Variants in FRMD4A observed in about 807,000 individuals in gnomAD.
FRMD4A encodes the protein FERM domain-containing protein 4A.
In FRMD4A, 29 loss-of-function variants were observed where a neutral mutation model predicts 129.1. The ratio of observed to expected loss-of-function variants is 0.22; its 90% CI spans 0.17 to 0.31. The LOEUF is 0.31. FRMD4A is among the 10% of genes least tolerant of loss of function. The probability of loss-of-function intolerance (pLI) is 1.00; values close to 1 mark genes in which losing one functional copy is unlikely to be tolerated. For missense variants in FRMD4A, 1,272 were observed against 1,375.8 expected, an observed-to-expected ratio of 0.92 and a Z score of 1.19; for synonymous variants, 634 against 571.6, an observed-to-expected ratio of 1.11 and a Z score of -1.56.
rs369846640 is a variant in FRMD4A at position 13,800,062 on chromosome 10, A to G, written c.207-3474T>C. Among the ~76,000 whole-genome samples, 21 of 152,202 alleles carry G rather than the reference A, an allele frequency of 1.4e-4. No homozygotes were observed. In the South Asian group the frequency reaches 1.5e-3, roughly 11 times the overall value. On this transcript the variant is annotated intron_variant, in intron 4 of 24. Transcript: ENST00000357447. ...CCAGGCGTGGTGGCACATGCCTGTA[A>G]TCCCAGCTACTCAGGAGGCTGAGGC... is the stretch of plus-strand genomic sequence containing the variant.
At chr10:13,742,835 C>A (rs1007280167) in intron 9 of FRMD4A, among the ~76,000 whole-genome samples, 5 of 151,918 alleles carry the variant, frequency 3.3e-5, no homozygotes, top group Non-Finnish European at 5.9e-5. Context: ...TATTATCCAT[C>A]AGCCCAGGAT....
chr10:13,694,851 AAAAAG>A (rs1347508431), intron 14 of FRMD4A, among the ~76,000 whole-genome samples: 6 of 152,106 alleles, frequency 3.9e-5, no homozygotes, highest in South Asian at 2.1e-4. Flanking sequence ...CTTAAAAAAA[AAAAAG>A]AGAGAAATGA....
In FRMD4A at chr10:13,675,006, CCTT is replaced by C; in HGVS notation, c.1153_1155del (p.Lys385del). ...CTGGACTTCAAGGCAGCCAGCATGT[CCTT>C]CTTGGCCGACTGCGAGCTATCTGAT... On this transcript the variant is annotated inframe_deletion, in exon 16 of 25. Coordinates refer to ENST00000357447, the MANE Select transcript of FRMD4A (RefSeq NM_018027.5). 6 of 1,613,898 alleles carry C rather than the reference CCTT, an allele frequency of 3.7e-6. No individual in the cohort carries two copies. The highest frequency in any genetic ancestry group is 5.1e-6 in the Non-Finnish European group (6 of 1,179,974).
intron 12 of FRMD4A, among the ~76,000 whole-genome samples, chr10:13,729,132 C>CGCCCAAGGCAAGGGTCTGTCACCCACAG (rs141124690): frequency 6.6e-6 from 1 of 151,666 alleles, no homozygotes; most frequent in Admixed American, 6.6e-5. Context: ...GGTCTCTAGA[C>CGCCCAAGGCAAGGGTCTGTCACCCACAG]GCATGGAAAG....
At chr10:13,667,632 G>GC (rs1564561647) in intron 17 of FRMD4A, 2 of 152,390 alleles carry the variant, frequency 1.3e-5, no homozygotes, top group African/African-American at 4.8e-5. Context: ...ATGTGTGCGT[G>GC]AGGATTTGGG....
intron 2 of FRMD4A, among the ~76,000 whole-genome samples, chr10:14,056,004 G>A (rs1280030958): frequency 1.3e-5 from 2 of 151,922 alleles, no homozygotes; most frequent in Non-Finnish European, 1.5e-5. Flanking sequence ...GCGCGATCTC[G>A]GCTCACTGCA....
At chr10:14,154,416 A>C (rs1840497824) in intron 2 of FRMD4A, among the ~76,000 whole-genome samples, 1 of 152,160 alleles carries the variant, frequency 6.6e-6, no homozygotes, top group African/African-American at 2.4e-5. Context: ...ATTTCACTTT[A>C]AATGTATGAT....
At chr10:14,079,154 A>C (rs1463374354) in intron 2 of FRMD4A, among the ~76,000 whole-genome samples, 2 of 152,156 alleles carry the variant, frequency 1.3e-5, no homozygotes, top group Non-Finnish European at 2.9e-5. Context: ...CATCAACCTC[A>C]TGAGGTGCTG....
At chr10:13,844,974 G>A (rs2094022115) in intron 3 of FRMD4A, among the ~76,000 whole-genome samples, 1 of 152,156 alleles carries the variant, frequency 6.6e-6, no homozygotes, top group Non-Finnish European at 1.5e-5. Flanking sequence ...GGTTGATAAG[G>A]GATACAGTGT....
At chr10:13,691,801 G>A (rs2085721042) in intron 15 of FRMD4A, among the ~76,000 whole-genome samples, 1 of 152,090 alleles carries the variant, frequency 6.6e-6, no homozygotes, top group Admixed American at 6.6e-5. Context: ...GTTTTCACAG[G>A]GTTAGGAAAA....
chr10:14,277,376 G>A (rs1180406638), intron 2 of FRMD4A, among the ~76,000 whole-genome samples: 1 of 152,204 alleles, frequency 6.6e-6, no homozygotes, highest in Non-Finnish European at 1.5e-5. Context: ...TAGGTTATGA[G>A]GGTAGAACTA....
rs1247428701 is a variant in FRMD4A at position 13,865,181 on chromosome 10, G to C, written c.46-6269C>G. Reference sequence around the variant, plus strand: ...TAAGCCTTGTTCCTTGTCTGTACAAGAGGGATAAAATAGCGTCTACCTCTT... The same window carrying C: ...TAAGCCTTGTTCCTTGTCTGTACAACAGGGATAAAATAGCGTCTACCTCTT... On this transcript the variant is annotated intron_variant, in intron 2 of 24. Coordinates refer to ENST00000357447, the MANE Select transcript of FRMD4A (RefSeq NM_018027.5). Among the ~76,000 whole-genome samples the C allele has an allele frequency of 2.6e-5, 4 of 152,096 alleles. No homozygotes were observed. The South Asian group carries it at 8.3e-4, about 32-fold the overall frequency.
intron 2 of FRMD4A, among the ~76,000 whole-genome samples, chr10:14,102,065 T>C (rs1837334418): frequency 6.6e-6 from 1 of 152,190 alleles, no homozygotes; most frequent in Non-Finnish European, 1.5e-5. Flanking sequence ...AAGTACCTTT[T>C]GGGAAAACGC....
chr10:14,085,486 G>A (rs1022855838), intron 2 of FRMD4A, among the ~76,000 whole-genome samples: 2 of 152,222 alleles, frequency 1.3e-5, no homozygotes, highest in Non-Finnish European at 1.5e-5. Context: ...GCCCCTGGAT[G>A]AGGCTCTGAC....
intron 5 of FRMD4A, among the ~76,000 whole-genome samples, chr10:13,788,424 C>A (rs1044850376): frequency 6.6e-6 from 1 of 152,226 alleles, no homozygotes; most frequent in Non-Finnish European, 1.5e-5. Flanking sequence ...CCAATTGTTT[C>A]CCGGCTCCCC....
chr10:14,094,879 G>A (rs78494975), intron 2 of FRMD4A, among the ~76,000 whole-genome samples: 4,960 of 152,268 alleles, frequency 0.033, 92 homozygotes, highest in Middle Eastern at 0.061. Flanking sequence ...GGACATATGT[G>A]CATGTATGTA....
chr10:14,113,042 G>T (rs142685181), intron 2 of FRMD4A, among the ~76,000 whole-genome samples: 1 of 152,066 alleles, frequency 6.6e-6, no homozygotes, highest in Non-Finnish European at 1.5e-5. Flanking sequence ...GTACAGGTTC[G>T]GACTGGAATC....
At chr10:13,831,229 G>A (rs964750922) in intron 3 of FRMD4A, among the ~76,000 whole-genome samples, 7 of 152,132 alleles carry the variant, frequency 4.6e-5, no homozygotes, top group African/African-American at 1.4e-4. Context: ...GACCTTCTTT[G>A]GATGACATCA....
At chr10:14,262,344 G>T (rs146631668) in intron 2 of FRMD4A, among the ~76,000 whole-genome samples, 59 of 152,314 alleles carry the variant, frequency 3.9e-4, no homozygotes, top group Non-Finnish European at 7.2e-4. Flanking sequence ...GTACCATGGG[G>T]ATGGCGATGC....
Sources: gnomAD v4.1 joint callset for allele counts (sites outside exome capture counted in the v4.1 genomes callset) on GRCh38, gnomAD v4.1.1 for gene constraint, MANE v1.5 for transcripts, NCBI Gene and HGNC (gene_info 2026-07-23, HGNC 2026-07-21) for gene names.